The following SH2D4A variants were observed in gnomAD, a reference collection of about 807,000 sequenced individuals.
SH2D4A encodes SH2 domain-containing protein 4A.
In SH2D4A, 70 loss-of-function variants were observed where a neutral mutation model predicts 64.7. The ratio of observed to expected loss-of-function variants is 1.08; its 90% confidence interval spans 0.89 to 1.32. The LOEUF (loss-of-function observed/expected upper bound fraction) is 1.32. SH2D4A is among the 40% of genes most tolerant of loss of function. SH2D4A has a pLI of 0.00. For missense variants in SH2D4A, 706 were observed against 540.1 expected, an observed-to-expected ratio of 1.31 and a Z score of -3.04; for synonymous variants, 268 against 200.7, an observed-to-expected ratio of 1.34 and a Z score of -2.83.
At chr8:19,316,492 C>G (rs948977725) in intron 1 of SH2D4A, among the ~76,000 whole-genome samples, 3 of 152,134 alleles carry the variant, frequency 2.0e-5, no homozygotes, top group Non-Finnish European at 4.4e-5. Context: ...CTGGTGAATA[C>G]GTGGGTAAGC....
rs557016661 is a variant in SH2D4A, at chr8:19,374,677, A to G, written c.1048+1017A>G. 1.2e-4 allele frequency among the ~76,000 whole-genome samples: 18 copies of G among 152,282 alleles called. 1 individual carries two copies. The East Asian group carries it at 1.7e-3, about 15-fold the overall frequency. On this transcript the variant is annotated intron_variant, in intron 8 of 9. Transcript: ENST00000265807. Reference sequence around the variant, plus strand: ...GAACTGTCTGGCGTCTCTTGGAAGTATGTGTTCTTTGGTGATTCAGACTTT... The same window carrying G: ...GAACTGTCTGGCGTCTCTTGGAAGTGTGTGTTCTTTGGTGATTCAGACTTT...
At chr8:19,344,094 A>C (rs2052572732) in intron 4 of SH2D4A, among the ~76,000 whole-genome samples, 1 of 152,212 alleles carries the variant, frequency 6.6e-6, no homozygotes, top group South Asian at 2.1e-4. Context: ...AGGTCACCTT[A>C]TGGAAGAAGA....
intron 3 of SH2D4A, 100 bp from the exon 4 acceptor site, chr8:19,334,586 G>C: frequency 7.7e-7 from 1 of 1,305,082 alleles, no homozygotes; most frequent in Non-Finnish European, 1.0e-6. Context: ...AGTGGTGTCA[G>C]TTACTGTTTT....
At chr8:19,317,497 A>T (rs1007521545) in intron 1 of SH2D4A, among the ~76,000 whole-genome samples, 6 of 78,578 alleles carry the variant, frequency 7.6e-5, no homozygotes, top group Non-Finnish European at 1.8e-4. Flanking sequence ...GTCAGTAGGG[A>T]TAGGTGTAGT....
At chr8:19,366,026 A>G (rs2052988269) in intron 7 of SH2D4A, among the ~76,000 whole-genome samples, 1 of 152,200 alleles carries the variant, frequency 6.6e-6, no homozygotes, top group Non-Finnish European at 1.5e-5. Context: ...AACTATATAT[A>G]TATATATCTG....
intron 8 of SH2D4A, among the ~76,000 whole-genome samples, chr8:19,389,743 C>A (rs1277823546): frequency 2.0e-5 from 3 of 152,052 alleles, no homozygotes; most frequent in Non-Finnish European, 4.4e-5. Flanking sequence ...GGCGAAACCC[C>A]ATCTCTATGA....
At chr8:19,389,295 C>T (rs766868335) in intron 8 of SH2D4A, among the ~76,000 whole-genome samples, 2 of 152,270 alleles carry the variant, frequency 1.3e-5, no homozygotes, top group East Asian at 1.9e-4. Context: ...AATGTTTCCC[C>T]GGGGCCTTTC....
intron 5 of SH2D4A, among the ~76,000 whole-genome samples, chr8:19,358,949 G>T (rs1350068701): frequency 2.6e-5 from 4 of 151,560 alleles, no homozygotes; most frequent in Non-Finnish European, 5.9e-5. Flanking sequence ...CGGCCCCTCC[G>T]CCCCTCCACT....
At chr8:19,363,903 C>G (rs916361963) in intron 6 of SH2D4A, 169 bp from the exon 7 acceptor site, 8 of 644,710 alleles carry the variant, frequency 1.2e-5, no homozygotes, top group Non-Finnish European at 2.1e-5. Flanking sequence ...GAACGCTGGG[C>G]AAGCCCTAAT....
In SH2D4A at chr8:19,319,354, C is replaced by T; in HGVS notation, c.-194C>T. 1 of 1,233,392 alleles carries T rather than the reference C, an allele frequency of 8.1e-7. No individual in the cohort carries two copies. Among genetic ancestry groups the T allele is most frequent in the Non-Finnish European group, 1.0e-6 (1 of 987,094 alleles). The allele number at this position is 1,233,392 out of a possible 1,614,324, so 76.4% of individuals were successfully genotyped here. On this transcript the variant is annotated 5_prime_UTR_variant, in exon 2 of 10. Coordinates refer to ENST00000265807, the MANE Select transcript of SH2D4A (RefSeq NM_022071.4). ...TCTTTCTCTCTGCAGGTTCAGTGAA[C>T]AGCATTTTGGACAGGACATTTGGTG... is the stretch of plus-strand genomic sequence containing the variant.
At chr8:19,368,477 A>T (rs2053039484) in intron 7 of SH2D4A, among the ~76,000 whole-genome samples, 1 of 152,066 alleles carries the variant, frequency 6.6e-6, no homozygotes, top group Admixed American at 6.5e-5. Flanking sequence ...TAATTTTTCT[A>T]ATCCATGGAC....
At chr8:19,389,717 C>G (rs1262023617) in intron 8 of SH2D4A, among the ~76,000 whole-genome samples, 1 of 152,090 alleles carries the variant, frequency 6.6e-6, no homozygotes, top group Non-Finnish European at 1.5e-5. Context: ...CTAAAATATT[C>G]CAACCTGGGC....
intron 1 of SH2D4A, among the ~76,000 whole-genome samples, chr8:19,317,819 A>C (rs567448763): frequency 6.6e-6 from 1 of 152,366 alleles, no homozygotes; most frequent in Non-Finnish European, 1.5e-5. Flanking sequence ...ATGGAGAAAC[A>C]ACGTATTTGA....
At position 19,393,453 on chromosome 8, in the gene SH2D4A, T is replaced by A; in HGVS notation, c.1184T>A (p.Leu395His). 1 of 1,614,244 alleles carries A rather than the reference T, an allele frequency of 6.2e-7. No individual in the cohort carries two copies. Among genetic ancestry groups the A allele is most frequent in the Non-Finnish European group, 8.5e-7 (1 of 1,180,044 alleles). Residue 395 changes from leucine to histidine, a missense_variant, in exon 9 of 10, where the codon CTC becomes CAC. Coordinates refer to ENST00000265807, the MANE Select transcript of SH2D4A (RefSeq NM_022071.4). ...TCGGAGGACGGCTGTAAACATTTCC[T>A]CATCGATGCCTCTGCAGACGCCTAC... is the stretch of plus-strand genomic sequence containing the variant. Reference protein sequence around the residue: ...YLSEDGCKHFLIDASADAYSF... With the variant: ...YLSEDGCKHFHIDASADAYSF...
At position 19,364,170 on chromosome 8, in the gene SH2D4A, G is replaced by T. The variant is rs777022710; in HGVS notation, c.805G>T (p.Gly269Cys). Residue 269 changes from glycine (G) to cysteine (C), a missense_variant, in exon 7 of 10, where the codon GGC becomes TGC. Physicochemically the swap from Gly to Cys is radical, Grantham distance 159. Transcript: ENST00000265807. The part of the protein sequence containing the change: ...RLSLGAQKGR[G>C]GERLQSPLRV... ...ATCCCTCGGGGCCCAGAAAGGAAGA[G>T]GCGGTGAGAGGCTGCAAAGCCCCTT... The T allele has an allele frequency of 6.2e-7, 1 of 1,614,134 alleles. No individual in the cohort carries two copies. Among genetic ancestry groups the T allele is most frequent in the South Asian group, 1.1e-5 (1 of 91,082 alleles).
chr8:19,364,354 G>A, intron 7 of SH2D4A, 72 bp downstream of exon 7: 1 of 1,535,526 alleles, frequency 6.5e-7, no homozygotes, highest in Non-Finnish European at 8.9e-7. Context: ...AAATTAAAGG[G>A]GAATTGTATG....
chr8:19,394,055 G>A (rs1195831735), intron 9 of SH2D4A, among the ~76,000 whole-genome samples: 1 of 152,090 alleles, frequency 6.6e-6, no homozygotes, highest in African/African-American at 2.4e-5. Context: ...GGAGGTGATG[G>A]GGGACTGTGA....
At chr8:19,373,149 A>G (rs1426333702) in intron 7 of SH2D4A, among the ~76,000 whole-genome samples, 8 of 152,082 alleles carry the variant, frequency 5.3e-5, no homozygotes, top group African/African-American at 1.9e-4. Flanking sequence ...GCTCATTTCT[A>G]TAACTAGCCC....
chr8:19,388,120 C>G (rs1375121653), intron 8 of SH2D4A, among the ~76,000 whole-genome samples: 2 of 152,272 alleles, frequency 1.3e-5, no homozygotes, highest in African/African-American at 4.8e-5. Context: ...GAAATAAAGA[C>G]TCATTTTATT....
Sources: allele counts gnomAD v4.1 joint callset (sites outside exome capture counted in the v4.1 genomes callset), GRCh38; gene constraint gnomAD v4.1.1; transcripts MANE v1.5; gene names NCBI Gene and HGNC (gene_info 2026-07-23, HGNC 2026-07-21).